RCOR1: variants seen among roughly 807,000 people sequenced by gnomAD.
RCOR1 encodes REST corepressor.
A neutral mutation model predicts 64.0 loss-of-function variants in RCOR1; 12 were observed. The observed-to-expected ratio is 0.19, with a 90% confidence interval of 0.12 to 0.30. RCOR1 has a LOEUF of 0.30. Ranked by LOEUF, RCOR1 falls within the 10% of genes least tolerant of loss-of-function variation. The pLI is 1.00. For synonymous variants in RCOR1, 279 were observed against 227.2 expected (o/e 1.23, Z -2.05); for missense variants, 502 against 621.2 (o/e 0.81, Z 2.04).
intron 2 of RCOR1, among the ~76,000 whole-genome samples, chr14:102,642,243 C>G (rs199694438): frequency 1.3e-5 from 2 of 151,780 alleles, no homozygotes; most frequent in South Asian, 4.1e-4. Context: ...GAATAAACTT[C>G]TTTGACGGTA....
chr14:102,722,297 G>A lies in RCOR1; in HGVS notation c.1300G>A (p.Asp434Asn). Residue 434 changes from aspartate to asparagine, a missense_variant, in exon 11 of 12, where the codon GAT (aspartate) becomes AAT (asparagine). Physicochemically the swap from Asp to Asn is conservative, Grantham distance 23 (BLOSUM62 1). Coordinates refer to ENST00000262241, the MANE Select transcript of RCOR1 (RefSeq NM_015156.4). ...FVNYRRRFNIDEVLQEWEAEH... is the reference protein window; with the variant it reads ...FVNYRRRFNINEVLQEWEAEH... ...AAATTATCGACGCCGCTTCAACATA[G>A]ATGAAGTTTTACAAGAATGGGAGGC... is the stretch of plus-strand genomic sequence containing the variant. The A allele has an allele frequency of 5.6e-6, 9 of 1,614,166 alleles. No homozygotes were observed. Among genetic ancestry groups the A allele is most frequent in the Non-Finnish European group, 7.6e-6 (9 of 1,180,020 alleles).
chr14:102,677,191 G>A (rs1162396672), intron 2 of RCOR1, among the ~76,000 whole-genome samples: 2 of 138,994 alleles, frequency 1.4e-5, no homozygotes, highest in Non-Finnish European at 3.2e-5. Context: ...CGGACGGGGC[G>A]GCTGGCCGGG....
At chr14:102,642,356 TGA>T (rs1894386476) in intron 2 of RCOR1, among the ~76,000 whole-genome samples, 2 of 152,214 alleles carry the variant, frequency 1.3e-5, no homozygotes, top group African/African-American at 2.4e-5. Context: ...TTAAGATTCT[TGA>T]GATTATTTGG....
At position 102,592,797 on chromosome 14, in the gene RCOR1, C is replaced by T; in HGVS notation, c.-90C>T. On this transcript the variant is annotated 5_prime_UTR_variant, in exon 1 of 12. Coordinates refer to ENST00000262241, the MANE Select transcript of RCOR1 (RefSeq NM_015156.4). The stretch of plus-strand genomic sequence containing the variant: ...CTCCCGCCGCGCCCGCCCGGCCCCG[C>T]GCCGGCCCCGCGCCCCCTCCCCCGT... The T allele has an allele frequency of 2.6e-6, 3 of 1,174,276 alleles. No individual in the cohort carries two copies. Among genetic ancestry groups the T allele is most frequent in the East Asian group, 3.7e-5 (1 of 26,736 alleles). The allele number at this position is 1,174,276 out of a possible 1,614,324, so 72.7% of individuals were successfully genotyped here.
At chr14:102,645,660 G>A (rs553851064) in intron 2 of RCOR1, among the ~76,000 whole-genome samples, 2 of 152,268 alleles carry the variant, frequency 1.3e-5, no homozygotes, top group Middle Eastern at 3.4e-3. Flanking sequence ...ACTTCCAGGT[G>A]CCAAAATCTG....
chr14:102,613,409 T>G (rs909689079), intron 2 of RCOR1, among the ~76,000 whole-genome samples: 1 of 151,860 alleles, frequency 6.6e-6, no homozygotes, highest in African/African-American at 2.4e-5. Context: ...GCCTTTTTTT[T>G]TCTTTTTTAA....
intron 2 of RCOR1, among the ~76,000 whole-genome samples, chr14:102,624,240 A>T (rs760551085): frequency 4.0e-5 from 6 of 151,618 alleles, no homozygotes; most frequent in Non-Finnish European, 7.4e-5. Context: ...ATGGTGGCTC[A>T]CGGCTGTAAT....
chr14:102,595,288 G>A (rs1227515265), intron 2 of RCOR1, among the ~76,000 whole-genome samples: 1 of 152,128 alleles, frequency 6.6e-6, no homozygotes, highest in Non-Finnish European at 1.5e-5. Flanking sequence ...GATCTCTGGA[G>A]CTCAGGAGTT....
At chr14:102,599,380 C>A (rs1416971577) in intron 2 of RCOR1, among the ~76,000 whole-genome samples, 1 of 152,190 alleles carries the variant, frequency 6.6e-6, no homozygotes, top group East Asian at 1.9e-4. Flanking sequence ...CATCTGCCTG[C>A]CTTGGCCTCC....
rs1220167958 is a variant in RCOR1 at position 102,616,240 on chromosome 14, G to GTGTGTGTGTA, written c.361+22925_361+22934dup. Among the ~76,000 whole-genome samples, 611 of 103,268 alleles carry GTGTGTGTGTA rather than the reference G, an allele frequency of 5.9e-3. 5 individuals carry two copies. Among genetic ancestry groups the GTGTGTGTGTA allele is most frequent in the Admixed American group, 0.027 (291 of 10,720 alleles). 67.7% of individuals were successfully genotyped at this position (103,268 alleles called of 152,430 possible). On this transcript the variant is annotated intron_variant, in intron 2 of 11. Transcript: ENST00000262241. Reference sequence around the variant, plus strand: ...TGTGTGTGTGTGTGTGTGTGTGTGTGTGTGTGTGTATGTGTGTGTGTGTAT... The same window carrying GTGTGTGTGTA: ...TGTGTGTGTGTGTGTGTGTGTGTGTGTGTGTGTGTATGTGTGTGTATGTGTGTGTGTGTAT...
In RCOR1 at chr14:102,593,014, C is replaced by T. The variant is rs1261053286; in HGVS notation, c.128C>T (p.Ala43Val). The T allele has an allele frequency of 8.2e-6, 10 of 1,223,700 alleles. No individual in the cohort carries two copies. The African/African-American group carries it at 1.4e-4, about 18-fold the overall frequency. The allele number at this position is 1,223,700 out of a possible 1,614,324, so 75.8% of individuals were successfully genotyped here. The change falls in exon 1 of 12, where the codon GCC becomes GTC. Residue 43 changes from alanine to valine, a missense_variant. Transcript: ENST00000262241. ...AASAACASPA[A>V]TAASGAAASS... ...TCGGCCGCCTGCGCCTCGCCAGCCG[C>T]CACTGCCGCCTCGGGCGCCGCCGCC... is the stretch of plus-strand genomic sequence containing the variant.
intron 2 of RCOR1, among the ~76,000 whole-genome samples, chr14:102,667,372 GT>G (rs537720927): frequency 2.1e-3 from 315 of 152,070 alleles, no homozygotes; most frequent in Non-Finnish European, 3.9e-3. Flanking sequence ...GTGGTGGTGG[GT>G]GCCTGTAATC....
chr14:102,665,641 T>G (rs919720878), intron 2 of RCOR1, among the ~76,000 whole-genome samples: 4 of 152,184 alleles, frequency 2.6e-5, no homozygotes, highest in Non-Finnish European at 4.4e-5. Context: ...TTGTTCGTCA[T>G]CACTCAATAA....
intron 3 of RCOR1, among the ~76,000 whole-genome samples, chr14:102,691,937 T>G (rs1895541820): frequency 6.6e-6 from 1 of 152,238 alleles, no homozygotes; most frequent in Non-Finnish European, 1.5e-5. Flanking sequence ...ATATGCTAAG[T>G]TCTGAGAGAT....
At chr14:102,678,288 T>C (rs1195962226) in intron 2 of RCOR1, among the ~76,000 whole-genome samples, 1 of 152,142 alleles carries the variant, frequency 6.6e-6, no homozygotes, top group South Asian at 2.1e-4. Flanking sequence ...TGCCTATGTG[T>C]GCAGGTGCTT....
At chr14:102,593,657 C>T (rs1595184946) in intron 2 of RCOR1, among the ~76,000 whole-genome samples, 1 of 152,290 alleles carries the variant, frequency 6.6e-6, no homozygotes, top group Non-Finnish European at 1.5e-5. Context: ...TGCGCCTCGG[C>T]CAGGGGTAAG....
rs1483811536 is a variant in RCOR1 at position 102,701,282 on chromosome 14, T to C, written c.450T>C (p.Asp150=). ...GCATCTCTTCTTGTTTTTCAGTGGA[T>C]GAATACATTGCCATTGCCAAAGAAA... ...PNQNLSEAKL[D]EYIAIAKEKH... is the part of the protein sequence containing the mutation. The change falls in exon 4 of 12, where the codon GAT becomes GAC. Residue 150 remains aspartate, a synonymous_variant. Coordinates refer to ENST00000262241, the MANE Select transcript of RCOR1 (RefSeq NM_015156.4). 1.9e-6 allele frequency: 3 copies of C among 1,613,112 alleles called. No homozygotes were observed. The highest frequency in any genetic ancestry group is 2.7e-5 in the African/African-American group (2 of 75,028).
At chr14:102,595,696 C>T (rs988622717) in intron 2 of RCOR1, among the ~76,000 whole-genome samples, 2 of 151,918 alleles carry the variant, frequency 1.3e-5, no homozygotes, top group African/African-American at 4.8e-5. Context: ...TCTCCTGCCT[C>T]AGCCTCCAGA....
chr14:102,613,663 G>A (rs1254270578), intron 2 of RCOR1, among the ~76,000 whole-genome samples: 2 of 150,198 alleles, frequency 1.3e-5, no homozygotes, highest in Non-Finnish European at 3.0e-5. Context: ...CTCGTGATCC[G>A]CCCGCCTCGG....
Sources: gnomAD v4.1 joint callset for allele counts (sites outside exome capture counted in the v4.1 genomes callset) on GRCh38, gnomAD v4.1.1 for gene constraint, MANE v1.5 for transcripts, NCBI Gene and HGNC (gene_info 2026-07-23, HGNC 2026-07-21) for gene names.